Variants in GBGT1 observed in about 807,000 individuals in gnomAD.
GBGT1 encodes globoside alpha-1,3-N-acetylgalactosaminyltransferase 1.
A neutral mutation model predicts 20.9 loss-of-function variants in GBGT1; 18 were observed. The ratio of observed to expected loss-of-function variants is 0.86; its 90% CI spans 0.60 to 1.28. The LOEUF (loss-of-function observed/expected upper bound fraction) is 1.28, where lower values mean the gene tolerates loss of function less well. GBGT1 is among the 50% of genes most tolerant of loss of function. GBGT1 has a pLI of 0.00. For missense variants in GBGT1, 432 were observed against 455.7 expected, an observed-to-expected ratio of 0.95 and a Z score of 0.47; for synonymous variants, 168 against 180.8, an observed-to-expected ratio of 0.93 and a Z score of 0.57.
intron 3 of GBGT1, among the ~76,000 whole-genome samples, chr9:133,158,644 A>C (rs1188876105): frequency 1.3e-5 from 2 of 152,120 alleles, no homozygotes; most frequent in African/African-American, 4.8e-5. Context: ...GAACTCTTCC[A>C]CCTCTAGGCT....
intron 3 of GBGT1, chr9:133,160,961 G>A (rs1833022563): frequency 6.2e-6 from 2 of 322,700 alleles, no homozygotes; most frequent in East Asian, 4.7e-5. Context: ...TGTGAGCCAA[G>A]ATCACGCCAC....
chr9:133,154,882 C>A lies in GBGT1; in HGVS notation c.359+296G>T, dbSNP rs1240439504. ...GGTGGGGTCATGGGAGAGACAAGGGCAGAGGAGGGGTCTAGATGAAACAGG... is the reference window on the plus strand; with the variant it reads ...GGTGGGGTCATGGGAGAGACAAGGGAAGAGGAGGGGTCTAGATGAAACAGG... On this transcript the variant is annotated intron_variant, in intron 6 of 6. Transcript: ENST00000372040. The surrounding 1 kb of genome is among the most constrained non-coding windows in gnomAD (Gnocchi z 4.2). 5.8e-6 allele frequency: 2 copies of A among 343,344 alleles called. No homozygotes were observed. The highest frequency in any genetic ancestry group is 8.6e-5 in the Admixed American group (2 of 23,362). 21.3% of individuals were successfully genotyped at this position (343,344 alleles called of 1,614,324 possible).
In GBGT1 at chr9:133,153,754, A is replaced by G; in HGVS notation, c.867T>C (p.Asn289=). 2.5e-6 allele frequency: 4 copies of G among 1,612,508 alleles called. No homozygotes were observed. Among genetic ancestry groups the G allele is most frequent in the Non-Finnish European group, 2.5e-6 (3 of 1,179,266 alleles). Residue 289 remains asparagine (N), a synonymous_variant, in exon 7 of 7, where the codon AAT becomes AAC. Transcript: ENST00000372040. ...CCTCCCGCCAGGCAGCCATGATGCC[A>G]TTGGCCTTGTCCGCCAGGATGGCCA... The part of the protein sequence containing the change: ...CHMAILADKA[N]GIMAAWREES...
At chr9:133,158,232 C>T (rs1006440927) in intron 3 of GBGT1, among the ~76,000 whole-genome samples, 1 of 152,200 alleles carries the variant, frequency 6.6e-6, no homozygotes, top group African/African-American at 2.4e-5. Flanking sequence ...AGGATCCCAC[C>T]CACTGATGAC....
In GBGT1 at chr9:133,162,434, C is replaced by G. The variant is rs1027374270; in HGVS notation, c.-22G>C. The G allele has an allele frequency of 1.9e-6, 3 of 1,589,746 alleles. No homozygotes were observed. Among genetic ancestry groups the G allele is most frequent in the Non-Finnish European group, 2.6e-6 (3 of 1,169,150 alleles). On this transcript the variant is annotated 5_prime_UTR_variant, in exon 2 of 7. Coordinates refer to ENST00000372040, the MANE Select transcript of GBGT1 (RefSeq NM_021996.6). ...GCATTGCTGGGGGCTGCACCTGAGC[C>G]TGGGCACTTGTAGAGACCCCCACTG... is the stretch of plus-strand genomic sequence containing the variant.
rs1372730216 is a variant in GBGT1, at chr9:133,155,213, G to A, written c.324C>T (p.Asn108=). The A allele has an allele frequency of 6.2e-7, 1 of 1,614,102 alleles. No homozygotes were observed. Among genetic ancestry groups the A allele is most frequent in the Admixed American group, 1.7e-5 (1 of 60,012 alleles). ...ELLQHIYQPL[N]LTIGVTVFAV... ...CAAACACCGTGACCCCAATGGTCAGGTTCAGTGGCTGGTAGATGTGCTGCA... is the reference window on the plus strand; with the variant it reads ...CAAACACCGTGACCCCAATGGTCAGATTCAGTGGCTGGTAGATGTGCTGCA... The change falls in exon 6 of 7, where the codon AAC becomes AAT. Residue 108 remains asparagine (N), a synonymous_variant. Coordinates refer to ENST00000372040, the MANE Select transcript of GBGT1 (RefSeq NM_021996.6).
intron 6 of GBGT1, 103 bp downstream of exon 6, chr9:133,155,075 T>A: frequency 2.8e-6 from 3 of 1,060,536 alleles, no homozygotes; most frequent in Non-Finnish European, 4.2e-6. Context: ...GCCTCCCGGG[T>A]GCCCAGCAGG....
rs1832790485 is a variant in GBGT1 at position 133,153,954 on chromosome 9, G to C, written c.667C>G (p.Leu223Val). The part of the protein sequence containing the change: ...NPWGPETLGD[L>V]VAAIHPSYYA... ...TAGCTTGGGTGAATGGCAGCCACCA[G>C]GTCTCCCAAGGTCTCAGGGCCCCAC... Residue 223 changes from leucine to valine, a missense_variant, in exon 7 of 7, where the codon CTG (leucine) becomes GTG (valine). Transcript: ENST00000372040. 1.2e-6 allele frequency: 2 copies of C among 1,611,944 alleles called. No individual in the cohort carries two copies. Among genetic ancestry groups the C allele is most frequent in the African/African-American group, 1.3e-5 (1 of 75,014 alleles).
At chr9:133,156,224 G>A (rs1311229434) in intron 3 of GBGT1, 159 bp from the exon 4 acceptor site, 18 of 742,268 alleles carry the variant, frequency 2.4e-5, no homozygotes, top group Non-Finnish European at 4.1e-5. Context: ...CTCTACAGAG[G>A]AGCTGGGGAC....
chr9:133,153,510 A>C lies in GBGT1; in HGVS notation c.*67T>G. The C allele has an allele frequency of 2.5e-6, 3 of 1,194,850 alleles. No homozygotes were observed. Among genetic ancestry groups the C allele is most frequent in the Non-Finnish European group, 3.6e-6 (3 of 844,298 alleles). 74.0% of individuals were successfully genotyped at this position (1,194,850 alleles called of 1,614,324 possible). On this transcript the variant is annotated 3_prime_UTR_variant, in exon 7 of 7. Coordinates refer to ENST00000372040, the MANE Select transcript of GBGT1 (RefSeq NM_021996.6). ...GGGAGGCGGGACAGGGCTGGTCTGCACGCTAGTGAAGCACTGGTGGCTGCA... is the reference window on the plus strand; with the variant it reads ...GGGAGGCGGGACAGGGCTGGTCTGCCCGCTAGTGAAGCACTGGTGGCTGCA...
chr9:133,153,703 G>A lies in GBGT1; in HGVS notation c.918C>T (p.Ile306=). The change falls in exon 7 of 7, where the codon ATC becomes ATT. Residue 306 remains isoleucine (I), a synonymous_variant. Transcript: ENST00000372040. ...REESHLNRHF[I]SNKPSKVLSP... ...ACAGCACCTTGGACGGCTTGTTTGA[G>A]ATGAAGTGACGGTTCAGGTGGCTTT... 6.2e-7 allele frequency: 1 copy of A among 1,613,906 alleles called. No homozygotes were observed.
rs955198190 is a variant in GBGT1 at position 133,154,278 on chromosome 9, G to A, written c.360-17C>T. ...TGAGTGTACCTAGTGATGATCACCC[G>A]GTCACCCACTGCTACACCAGCAGCC... On this transcript the variant is annotated splice_polypyrimidine_tract_variant and intron_variant, in intron 6 of 6. Transcript: ENST00000372040. The surrounding 1 kb of genome is among the most constrained non-coding windows in gnomAD (Gnocchi z 4.2). 4.8e-6 allele frequency: 7 copies of A among 1,467,286 alleles called. No homozygotes were observed. The highest frequency in any genetic ancestry group is 1.4e-5 in the African/African-American group (1 of 71,166). The allele number at this position is 1,467,286 out of a possible 1,614,324, so 90.9% of individuals were successfully genotyped here.
intron 3 of GBGT1, among the ~76,000 whole-genome samples, chr9:133,156,334 C>T (rs112695942): frequency 6.6e-6 from 1 of 152,188 alleles, no homozygotes; most frequent in Non-Finnish European, 1.5e-5. Context: ...GCTTTTCCAA[C>T]CATGTCGCTC....
chr9:133,155,592 A>G (rs540654263), intron 5 of GBGT1, among the ~76,000 whole-genome samples: 196 of 152,346 alleles, frequency 1.3e-3, no homozygotes, highest in Non-Finnish European at 1.5e-3. Flanking sequence ...GTTGTTATGA[A>G]CAATGGCCTG....
chr9:133,161,546 A>G lies in GBGT1; in HGVS notation c.72-14T>C. 1 of 1,591,830 alleles carries G rather than the reference A, an allele frequency of 6.3e-7. No homozygotes were observed. The highest frequency in any genetic ancestry group is 8.6e-7 in the Non-Finnish European group (1 of 1,165,976). ...TCAAGATACACCCTGTGAATAAAAA[A>G]AAGAAAAAAAATCTGTTGATCCACT... On this transcript the variant is annotated splice_polypyrimidine_tract_variant and intron_variant, in intron 2 of 6. Transcript: ENST00000372040.
intron 5 of GBGT1, 105 bp from the exon 6 acceptor site, chr9:133,155,417 C>T: frequency 7.6e-7 from 1 of 1,323,632 alleles, no homozygotes; most frequent in South Asian, 1.3e-5. Context: ...GCTTCGTCCC[C>T]ATCTCTGGGC....
chr9:133,158,060 G>A (rs996090283), intron 3 of GBGT1, among the ~76,000 whole-genome samples: 1 of 151,906 alleles, frequency 6.6e-6, no homozygotes, highest in African/African-American at 2.4e-5. Context: ...GAGGAGAATC[G>A]CTTGAACCCG....
At chr9:133,163,410 G>C (rs959120064) in intron 1 of GBGT1, 1 of 152,638 alleles carries the variant, frequency 6.6e-6, no homozygotes, top group Admixed American at 6.5e-5. Context: ...ACGCGGGAAC[G>C]GCTGTAAAAC....
chr9:133,157,450 G>A (rs895981189), intron 3 of GBGT1, among the ~76,000 whole-genome samples: 1 of 152,210 alleles, frequency 6.6e-6, no homozygotes, highest in Non-Finnish European at 1.5e-5. Context: ...TTTCTCTAGT[G>A]GAACACTGAC....
Sources: gnomAD v4.1 joint callset for allele counts (sites outside exome capture counted in the v4.1 genomes callset) on GRCh38, gnomAD v4.1.1 for gene constraint, Gnocchi (gnomAD v3.1) non-coding constraint, MANE v1.5 for transcripts, NCBI Gene and HGNC (gene_info 2026-07-23, HGNC 2026-07-21) for gene names.